Variants in FXN observed in about 807,000 individuals in gnomAD.
FXN encodes the protein frataxin, also known as frataxin, mitochondrial.
A neutral mutation model predicts 22.4 loss-of-function variants in FXN; 14 were observed. The observed-to-expected ratio is 0.62, with a 90% CI of 0.41 to 0.98. The LOEUF (loss-of-function observed/expected upper bound fraction) is 0.98. FXN is among the 50% of genes least tolerant of loss of function. The pLI, the probability that FXN is intolerant of heterozygous loss-of-function variation, is 0.00. For missense variants in FXN, 267 were observed against 268.4 expected, an observed-to-expected ratio of 0.99 and a Z score of 0.04; for synonymous variants, 120 against 114.1, an observed-to-expected ratio of 1.05 and a Z score of -0.33.
Position 69,046,607 on chromosome 9 carries a change from C to T in FXN, c.263+125C>T, listed in dbSNP as rs550942565. ...GCATCTTTCCATGTGACTGAGTATC[C>T]ACCACATTATTTTTAATGAAATAGT... On this transcript the variant is annotated intron_variant, in intron 2 of 4. Coordinates refer to ENST00000484259, the MANE Select transcript of FXN (RefSeq NM_000144.5). The T allele has an allele frequency of 3.1e-5, 22 of 715,700 alleles. No homozygotes were observed. The East Asian group carries it at 5.2e-4, about 17-fold the overall frequency. 44.3% of individuals were successfully genotyped at this position (715,700 alleles called of 1,614,324 possible). A position where few individuals can be genotyped will look rare whatever the true frequency, so the allele number is the denominator to read the frequency against.
intron 1 of FXN, among the ~76,000 whole-genome samples, chr9:69,042,704 A>G (rs959982208): frequency 6.6e-6 from 1 of 152,166 alleles, no homozygotes; most frequent in Non-Finnish European, 1.5e-5. Context: ...ACACACACAC[A>G]CAAACAAAAA....
At position 69,060,949 on chromosome 9, in the gene FXN, A is replaced by C. The variant is rs931883366; in HGVS notation, c.385-3989A>C. Among the ~76,000 whole-genome samples, 4 of 152,326 alleles carry C rather than the reference A, an allele frequency of 2.6e-5. No homozygotes were observed. In the South Asian group the frequency reaches 8.3e-4, roughly 32 times the overall value. Reference sequence around the variant, plus strand: ...ACAAGCAAGCAGTCAGGCAGCTCTGAATGCAGAGGCAGGAAGCACCACGAG... The same window carrying C: ...ACAAGCAAGCAGTCAGGCAGCTCTGCATGCAGAGGCAGGAAGCACCACGAG... On this transcript the variant is annotated intron_variant, in intron 3 of 4. Coordinates refer to ENST00000484259, the MANE Select transcript of FXN (RefSeq NM_000144.5).
Position 69,075,764 on chromosome 9 carries a change from T to G in FXN, c.*3002T>G. On this transcript the variant is annotated 3_prime_UTR_variant, in exon 5 of 5. Transcript: ENST00000484259. ...TCTATTTTTTGAGACAGGATCTCAC[T>G]TTGGCACTCAGGCTGGAGGACAGTG... is the stretch of plus-strand genomic sequence containing the variant. 1 of 953,114 alleles carries G rather than the reference T, an allele frequency of 1.0e-6. No homozygotes were observed. The highest frequency in any genetic ancestry group is 1.2e-6 in the Non-Finnish European group (1 of 800,620). The allele number at this position is 953,114 out of a possible 1,614,324, so 59.0% of individuals were successfully genotyped here.
rs767135118 is a variant in FXN, at chr9:69,035,879, T to G, written c.97T>G (p.Leu33Val). The G allele has an allele frequency of 1.6e-5, 23 of 1,469,842 alleles. 1 individual carries two copies. The highest frequency in any genetic ancestry group is 2.2e-5 in the Admixed American group (1 of 45,726). The allele number at this position is 1,469,842 out of a possible 1,614,324, so 91.0% of individuals were successfully genotyped here. A position where few individuals can be genotyped will look rare whatever the true frequency, so the allele number is the denominator to read the frequency against. ...TLTRVPRPAELAPLCGRRGLR... is the reference protein window; with the variant it reads ...TLTRVPRPAEVAPLCGRRGLR... The stretch of plus-strand genomic sequence containing the variant: ...CACCCGGGTCCCGCGGCCGGCAGAG[T>G]TGGCCCCACTCTGCGGCCGCCGTGG... Residue 33 changes from leucine (L) to valine (V), a missense_variant, in exon 1 of 5, where the codon TTG (leucine) becomes GTG (valine). Transcript: ENST00000484259.
At chr9:69,066,470 G>T (rs1482611809) in intron 4 of FXN, among the ~76,000 whole-genome samples, 1 of 152,068 alleles carries the variant, frequency 6.6e-6, no homozygotes, top group Non-Finnish European at 1.5e-5. Flanking sequence ...TTCTAGGAAG[G>T]CCCTAATTCA....
At chr9:69,058,320 C>T (rs1025453868) in intron 3 of FXN, among the ~76,000 whole-genome samples, 2 of 152,126 alleles carry the variant, frequency 1.3e-5, no homozygotes, top group African/African-American at 2.4e-5. Context: ...GTGGAGTCCG[C>T]TCTACTTGAC....
chr9:69,046,283 G>C, intron 1 of FXN, 102 bp from the exon 2 acceptor site: 1 of 853,130 alleles, frequency 1.2e-6, no homozygotes. Flanking sequence ...GGAGCACTCG[G>C]TTACAGGCAC....
chr9:69,060,627 C>G (rs1265483078), intron 3 of FXN, among the ~76,000 whole-genome samples: 1 of 152,162 alleles, frequency 6.6e-6, no homozygotes, highest in African/African-American at 2.4e-5. Flanking sequence ...TTTCCTGTCA[C>G]CACTTTCCTT....
At position 69,035,836 on chromosome 9, in the gene FXN, A is replaced by T. The variant is rs2481598; in HGVS notation, c.54A>T (p.Pro18=). The T allele has an allele frequency of 4.0e-6, 6 of 1,511,632 alleles. No individual in the cohort carries two copies. The highest frequency in any genetic ancestry group is 4.4e-6 in the Non-Finnish European group (5 of 1,136,950). 93.6% of individuals were successfully genotyped at this position (1,511,632 alleles called of 1,614,324 possible). A position where few individuals can be genotyped will look rare whatever the true frequency, so the allele number is the denominator to read the frequency against. ...AVAGLLASPS[P]AQAQTLTRVP... is the part of the protein sequence containing the mutation. ...CCGGCCTCCTGGCGTCACCCAGCCC[A>T]GCCCAGGCCCAGACCCTCACCCGGG... The change falls in exon 1 of 5, where the codon CCA becomes CCT. Residue 18 remains proline, a synonymous_variant. Transcript: ENST00000484259.
rs1440592413 is a variant in FXN at position 69,076,186 on chromosome 9, A to G, written c.*3424A>G. 3.1e-6 allele frequency: 3 copies of G among 982,790 alleles called. No homozygotes were observed. Among genetic ancestry groups the G allele is most frequent in the Non-Finnish European group, 3.6e-6 (3 of 829,056 alleles). 60.9% of individuals were successfully genotyped at this position (982,790 alleles called of 1,614,324 possible). ...GAATTTAATCGAAACTCTGCCTCTT[A>G]CTTGTTTGTAGACACTGACAGTGGC... On this transcript the variant is annotated 3_prime_UTR_variant, in exon 5 of 5. Transcript: ENST00000484259.
chr9:69,067,668 G>C (rs1268384063), intron 4 of FXN, among the ~76,000 whole-genome samples: 1 of 152,180 alleles, frequency 6.6e-6, no homozygotes, highest in Non-Finnish European at 1.5e-5. Context: ...TCATCCTTGA[G>C]TCTGCTTTGA....
chr9:69,065,497 C>T (rs1295466612), intron 4 of FXN, among the ~76,000 whole-genome samples: 1 of 150,696 alleles, frequency 6.6e-6, no homozygotes, highest in Non-Finnish European at 1.5e-5. Context: ...GCCAAGATCG[C>T]GCCACTGCAC....
Position 69,073,038 on chromosome 9 carries a change from T to G in FXN, c.*276T>G. The G allele has an allele frequency of 7.6e-7, 1 of 1,315,460 alleles. No individual in the cohort carries two copies. The highest frequency in any genetic ancestry group is 9.7e-7 in the Non-Finnish European group (1 of 1,032,084). 81.5% of individuals were successfully genotyped at this position (1,315,460 alleles called of 1,614,324 possible). ...TATCTTTTATAATGTCTTATGCCTA[T>G]ACCTGAATATAACAACCTTTAAAAA... On this transcript the variant is annotated 3_prime_UTR_variant, in exon 5 of 5. Transcript: ENST00000484259.
intron 3 of FXN, among the ~76,000 whole-genome samples, chr9:69,057,893 A>G (rs998247647): frequency 3.9e-5 from 6 of 152,176 alleles, no homozygotes; most frequent in Admixed American, 2.6e-4. Context: ...GCTACCACCT[A>G]TAACACACTG....
At chr9:69,044,378 G>A (rs1428772862) in intron 1 of FXN, among the ~76,000 whole-genome samples, 1 of 152,212 alleles carries the variant, frequency 6.6e-6, no homozygotes, top group Non-Finnish European at 1.5e-5. Context: ...AGAGACATGT[G>A]TTTCTAAGGT....
At chr9:69,066,373 A>G (rs1303671406) in intron 4 of FXN, among the ~76,000 whole-genome samples, 1 of 152,214 alleles carries the variant, frequency 6.6e-6, no homozygotes, top group Admixed American at 6.5e-5. Context: ...TGCTTTGTTC[A>G]GAATAAATAG....
chr9:69,038,338 G>GC (rs1467431118), intron 1 of FXN, among the ~76,000 whole-genome samples: 1 of 152,008 alleles, frequency 6.6e-6, no homozygotes, highest in Non-Finnish European at 1.5e-5. Context: ...TCACTTGAAG[G>GC]CCTCTTCCCC....
Position 69,076,217 on chromosome 9 carries a change from G to T in FXN, c.*3455G>T, listed in dbSNP as rs950295421. ...TTGTAGACACTGACAGTGGCCTCAT[G>T]TTTTTTTTTTTTTTAATCTATAAAA... On this transcript the variant is annotated 3_prime_UTR_variant, in exon 5 of 5. Coordinates refer to ENST00000484259, the MANE Select transcript of FXN (RefSeq NM_000144.5). The T allele has an allele frequency of 7.2e-6, 6 of 837,184 alleles. No homozygotes were observed. The highest frequency in any genetic ancestry group is 5.7e-5 in the South Asian group (1 of 17,636). 51.9% of individuals were successfully genotyped at this position (837,184 alleles called of 1,614,324 possible).
intron 4 of FXN, among the ~76,000 whole-genome samples, chr9:69,065,989 G>A (rs1767690987): frequency 1.3e-5 from 2 of 152,180 alleles, no homozygotes. Flanking sequence ...CTTTTCCATT[G>A]ATGTGCTTTC....
Sources: gnomAD v4.1 joint callset for allele counts (sites outside exome capture counted in the v4.1 genomes callset) on GRCh38, gnomAD v4.1.1 for gene constraint, MANE v1.5 for transcripts, NCBI Gene and HGNC (gene_info 2026-07-23, HGNC 2026-07-21) for gene names.